The following ADAM18 variants were observed in gnomAD, a reference collection of about 807,000 sequenced individuals.
ADAM18 encodes the protein ADAM metallopeptidase domain 18.
In ADAM18, 117 loss-of-function variants were observed where a neutral mutation model predicts 94.4. The ratio of observed to expected loss-of-function variants is 1.24; its 90% confidence interval spans 1.07 to 1.45. The LOEUF is 1.45. Ranked by LOEUF, ADAM18 falls within the 40% of genes most tolerant of loss-of-function variation. The probability of loss-of-function intolerance (pLI) is 0.00; values close to 1 mark genes in which losing one functional copy is unlikely to be tolerated. For missense variants in ADAM18, 936 were observed against 880.0 expected (o/e 1.06, Z -0.81); for synonymous variants, 327 against 291.6 (o/e 1.12, Z -1.24).
chr8:39,645,378 TA>T lies in ADAM18; in HGVS notation c.951del (p.Ile317MetfsTer9). 1 of 1,612,570 alleles carries T rather than the reference TA, an allele frequency of 6.2e-7. No homozygotes were observed. On this transcript the variant is annotated frameshift_variant, in exon 11 of 20. Coordinates refer to ENST00000265707, the MANE Select transcript of ADAM18 (RefSeq NM_014237.3). LOFTEE classifies it high-confidence loss of function. Reference protein sequence around the residue: ...AIGLEGFSVIIAQLLGLNVGL... With the variant: ...AIGLEGFSVIXAQLLGLNVGL... ...GGTTTGGAGGGATTTTCGGTTATTA[TA>T]GCTCAACTGCTTGGCCTTAATGTAG... is the stretch of plus-strand genomic sequence containing the variant.
chr8:39,593,100 TTTC>T (rs1192434362), intron 2 of ADAM18, among the ~76,000 whole-genome samples: 1 of 152,186 alleles, frequency 6.6e-6, no homozygotes, highest in Non-Finnish European at 1.5e-5. Flanking sequence ...GCTTCACTCT[TTTC>T]TTCTTCACTT....
chr8:39,723,979 T>A (rs1194367082), intron 19 of ADAM18, 72 bp downstream of exon 19: 4 of 921,862 alleles, frequency 4.3e-6, no homozygotes, highest in Non-Finnish European at 6.0e-6. Flanking sequence ...GCATTTTATA[T>A]AACATTTGTT....
intron 10 of ADAM18, among the ~76,000 whole-genome samples, chr8:39,644,097 A>G (rs186674393): frequency 6.6e-6 from 1 of 152,048 alleles, no homozygotes; most frequent in Non-Finnish European, 1.5e-5. Context: ...TTAGTTATGC[A>G]TTACACAGAT....
chr8:39,690,324 G>A (rs960858920), intron 16 of ADAM18, among the ~76,000 whole-genome samples: 1 of 152,086 alleles, frequency 6.6e-6, no homozygotes, highest in African/African-American at 2.4e-5. Flanking sequence ...ATGGCAAGTG[G>A]AAGGTGTGTG....
intron 18 of ADAM18, among the ~76,000 whole-genome samples, chr8:39,722,213 GTGTGTATATATA>G (rs1248054101): frequency 4.1e-4 from 30 of 73,378 alleles, no homozygotes; most frequent in African/African-American, 2.1e-3. Flanking sequence ...GTGTGTGTGT[GTGTGTATATATA>G]TATATATATA....
chr8:39,725,054 C>A (rs1822863455), intron 19 of ADAM18, among the ~76,000 whole-genome samples: 1 of 151,652 alleles, frequency 6.6e-6, no homozygotes. Flanking sequence ...TTGTGAATAC[C>A]CACTGCGTGG....
intron 9 of ADAM18, 100 bp from the exon 10 acceptor site, chr8:39,638,363 CAA>C: frequency 1.5e-6 from 1 of 672,048 alleles, no homozygotes; most frequent in South Asian, 2.5e-5. Context: ...TATATATTTG[CAA>C]AGTCATTTTT....
intron 6 of ADAM18, 65 bp from the exon 7 acceptor site, chr8:39,629,309 C>A: frequency 1.6e-6 from 2 of 1,272,282 alleles, no homozygotes; most frequent in South Asian, 2.8e-5. Context: ...CTTTACATGT[C>A]ATCTTTTTCT....
chr8:39,723,762 G>T lies in ADAM18; in HGVS notation c.2032G>T (p.Glu678Ter). The T allele has an allele frequency of 6.6e-7, 1 of 1,519,596 alleles. No individual in the cohort carries two copies. The allele number at this position is 1,519,596 out of a possible 1,614,324, so 94.1% of individuals were successfully genotyped here. Reference protein sequence around the residue: ...NFQKSGDFYTEKGYNTHWNNW... With the variant: ...NFQKSGDFYT Reference sequence around the variant, plus strand: ...TTCATTTCTAGGTGACTTTTATACTGAAAAAGGCTACAATACACACTGGAA... The same window carrying T: ...TTCATTTCTAGGTGACTTTTATACTTAAAAAGGCTACAATACACACTGGAA... The change falls in exon 19 of 20, where the codon GAA (glutamate) becomes TAA (stop). Residue 678 changes from glutamate (E) to a stop codon, truncating the protein, a stop_gained. Transcript: ENST00000265707. LOFTEE classifies it high-confidence loss of function.
chr8:39,657,743 G>T (rs1342575470), intron 12 of ADAM18, among the ~76,000 whole-genome samples: 1 of 151,938 alleles, frequency 6.6e-6, no homozygotes, highest in African/African-American at 2.4e-5. Context: ...TCATTTTAAA[G>T]GTAAACAGTA....
rs145169264 is a variant in ADAM18 at position 39,642,336 on chromosome 8, G to T, written c.910-3002G>T. ...TCTTCATAATGAAATCTCTGCCCCT[G>T]CCTATGTCCTGAATGGTACTGCCTA... On this transcript the variant is annotated intron_variant, in intron 10 of 19. Coordinates refer to ENST00000265707, the MANE Select transcript of ADAM18 (RefSeq NM_014237.3). Among the ~76,000 whole-genome samples the T allele has an allele frequency of 6.8e-3, 1,035 of 152,120 alleles. 8 individuals carry two copies. Among genetic ancestry groups the T allele is most frequent in the Middle Eastern group, 0.024 (7 of 294 alleles).
intron 14 of ADAM18, among the ~76,000 whole-genome samples, chr8:39,669,865 T>G (rs927960502): frequency 3.9e-5 from 6 of 152,202 alleles, no homozygotes; most frequent in Admixed American, 3.9e-4. Context: ...GTATTTCTAG[T>G]TCTAGATCCC....
chr8:39,689,023 T>G lies in ADAM18; in HGVS notation c.1822-3577T>G, dbSNP rs148772690. On this transcript the variant is annotated intron_variant, in intron 16 of 19. Transcript: ENST00000265707. The stretch of plus-strand genomic sequence containing the variant: ...CATGTATGTCTTCTTTTGAAAAGTA[T>G]CTGTTCATGTTCTTTGGCCACTTTT... Among the ~76,000 whole-genome samples the G allele has an allele frequency of 5.3e-5, 8 of 152,296 alleles. 1 individual carries two copies. In the East Asian group the frequency reaches 1.2e-3, roughly 22 times the overall value.
chr8:39,584,726 T>C (rs750806025), intron 1 of ADAM18, 49 bp downstream of exon 1: 1 of 1,596,324 alleles, frequency 6.3e-7, no homozygotes, highest in Non-Finnish European at 8.6e-7. Flanking sequence ...ATAGCTGGGC[T>C]GGGCTCTTAC....
intron 17 of ADAM18, among the ~76,000 whole-genome samples, chr8:39,699,729 T>A (rs188028990): frequency 5.2e-4 from 79 of 152,088 alleles, no homozygotes; most frequent in African/African-American, 1.9e-3. Context: ...GGCCTGCAGG[T>A]GATGAGGTTG....
At chr8:39,591,077 A>G (rs560038673) in intron 2 of ADAM18, among the ~76,000 whole-genome samples, 1 of 152,190 alleles carries the variant, frequency 6.6e-6, no homozygotes, top group Non-Finnish European at 1.5e-5. Context: ...CATTGTATAA[A>G]CCTTAATTTA....
At chr8:39,716,160 T>G (rs1456665740) in intron 18 of ADAM18, among the ~76,000 whole-genome samples, 1 of 127,542 alleles carries the variant, frequency 7.8e-6, no homozygotes, top group African/African-American at 3.4e-5. Context: ...GTTTCACTGA[T>G]TTTTGTTTGT....
At chr8:39,719,534 C>T (rs914138358) in intron 18 of ADAM18, among the ~76,000 whole-genome samples, 2 of 151,156 alleles carry the variant, frequency 1.3e-5, no homozygotes, top group African/African-American at 2.4e-5. Flanking sequence ...AAGCCACTGC[C>T]CCTTAACAAA....
chr8:39,599,714 C>G (rs1054266748), intron 2 of ADAM18, among the ~76,000 whole-genome samples: 1 of 151,920 alleles, frequency 6.6e-6, no homozygotes, highest in African/African-American at 2.4e-5. Context: ...ATTGCATATT[C>G]TTATTATCCA....
Sources: allele counts gnomAD v4.1 joint callset (sites outside exome capture counted in the v4.1 genomes callset), GRCh38; gene constraint gnomAD v4.1.1; transcripts MANE v1.5; gene names NCBI Gene and HGNC (gene_info 2026-07-23, HGNC 2026-07-21).